The following KIF11 variants were observed in gnomAD, a reference collection of about 807,000 sequenced individuals.
The protein encoded by KIF11 is kinesin family member 11, also known as kinesin-like protein KIF11.
Under a neutral mutation model 121.0 loss-of-function variants are expected in KIF11, and 9 were observed. The ratio of observed to expected loss-of-function variants is 0.07; its 90% CI spans 0.04 to 0.13. The LOEUF (loss-of-function observed/expected upper bound fraction) is 0.13, where lower values mean the gene tolerates loss of function less well. Ranked by LOEUF, KIF11 falls within the 10% of genes least tolerant of loss-of-function variation. The pLI is 1.00. For missense variants in KIF11, 846 were observed against 1,217.5 expected (o/e 0.69, Z 4.54); for synonymous variants, 408 against 421.0 (o/e 0.97, Z 0.38).
chr10:92,602,825 C>CACGTGT (rs1457102223), intron 1 of KIF11, among the ~76,000 whole-genome samples: 11 of 122,436 alleles, frequency 9.0e-5, no homozygotes, highest in East Asian at 2.3e-4. Context: ...CACACACACA[C>CACGTGT]GTGTGTGTGT....
At chr10:92,625,082 T>G (rs1166265522) in intron 10 of KIF11, among the ~76,000 whole-genome samples, 1 of 152,142 alleles carries the variant, frequency 6.6e-6, no homozygotes, top group Non-Finnish European at 1.5e-5. Flanking sequence ...ATTTCTGTTT[T>G]AAGTTCTTTG....
chr10:92,649,925 A>G lies in KIF11; in HGVS notation c.2861A>G (p.Lys954Arg). The change falls in exon 20 of 22, where the codon AAA becomes AGA. Residue 954 changes from lysine to arginine, a missense_variant. This residue lies in a region of KIF11 where 492 missense variants were observed against 603.4 expected (regional missense o/e 0.82). Coordinates refer to ENST00000260731, the MANE Select transcript of KIF11 (RefSeq NM_004523.4). ...REHLLDQLKR[K>R]QPELLMMLNC... is the part of the protein sequence containing the mutation. ...CATCTCCTTGATCAGCTGAAAAGGAAACAGCCTGAGCTGTTAATGATGCTA... is the reference window on the plus strand; with the variant it reads ...CATCTCCTTGATCAGCTGAAAAGGAGACAGCCTGAGCTGTTAATGATGCTA... 1 of 1,613,536 alleles carries G rather than the reference A, an allele frequency of 6.2e-7. No individual in the cohort carries two copies. The highest frequency in any genetic ancestry group is 8.5e-7 in the Non-Finnish European group (1 of 1,179,482).
At chr10:92,643,346 A>G (rs114124273) in intron 17 of KIF11, among the ~76,000 whole-genome samples, 1,982 of 152,186 alleles carry the variant, frequency 0.013, 49 homozygotes, top group African/African-American at 0.044. Context: ...TTGAATTTGT[A>G]TACATTTTAA....
intron 10 of KIF11, among the ~76,000 whole-genome samples, chr10:92,627,730 G>C (rs944036868): frequency 6.6e-6 from 1 of 152,124 alleles, no homozygotes; most frequent in Non-Finnish European, 1.5e-5. Flanking sequence ...GTTCACTATA[G>C]ATGAAAAAGT....
chr10:92,641,579 A>G (rs1230016840), intron 17 of KIF11, among the ~76,000 whole-genome samples: 1 of 152,204 alleles, frequency 6.6e-6, no homozygotes, highest in African/African-American at 2.4e-5. Flanking sequence ...GCTGCTTTCA[A>G]AACTTTTTTG....
intron 11 of KIF11, 69 bp downstream of exon 11, chr10:92,628,964 G>T: frequency 1.1e-6 from 1 of 870,292 alleles, no homozygotes; most frequent in Non-Finnish European, 1.8e-6. Flanking sequence ...TAGAATGAAA[G>T]ATCTAATATT....
intron 1 of KIF11, 117 bp from the exon 2 acceptor site, chr10:92,606,148 T>C: frequency 1.2e-6 from 1 of 833,696 alleles, no homozygotes; most frequent in Non-Finnish European, 1.8e-6. Flanking sequence ...TTAATCTCCA[T>C]CACCAACAAT....
intron 12 of KIF11, among the ~76,000 whole-genome samples, chr10:92,631,873 C>T (rs1389939078): frequency 2.0e-5 from 3 of 152,030 alleles, no homozygotes; most frequent in Non-Finnish European, 2.9e-5. Context: ...CTGGGTTTCA[C>T]CATGTTGGCC....
intron 12 of KIF11, among the ~76,000 whole-genome samples, chr10:92,631,887 C>T (rs1455323868): frequency 6.6e-6 from 1 of 151,912 alleles, no homozygotes; most frequent in East Asian, 1.9e-4. Context: ...GTTGGCCAGG[C>T]TGGTCTCAAA....
At chr10:92,605,410 A>G (rs1405698804) in intron 1 of KIF11, among the ~76,000 whole-genome samples, 1 of 151,816 alleles carries the variant, frequency 6.6e-6, no homozygotes, top group Admixed American at 6.6e-5. Context: ...CCAGGTATCT[A>G]CTGGCAGATT....
chr10:92,630,296 G>T lies in KIF11; in HGVS notation c.1426G>T (p.Val476Phe). The change falls in exon 12 of 22, where the codon GTT becomes TTT. Residue 476 changes from valine (V) to phenylalanine (F), a missense_variant. This residue lies in a region of KIF11 where 95 missense variants were observed against 109.3 expected (regional missense o/e 0.87). Coordinates refer to ENST00000260731, the MANE Select transcript of KIF11 (RefSeq NM_004523.4). ...TTTGCAAGAAACTAAATTACAACTT[G>T]TTAAAGAAGAATATATCACATCAGC... Reference protein sequence around the residue: ...KHLQETKLQLVKEEYITSALE... With the variant: ...KHLQETKLQLFKEEYITSALE... 3 of 1,608,122 alleles carry T rather than the reference G, an allele frequency of 1.9e-6. No homozygotes were observed. Among genetic ancestry groups the T allele is most frequent in the Non-Finnish European group, 2.5e-6 (3 of 1,177,772 alleles).
chr10:92,594,063 C>A (rs1844264317), intron 1 of KIF11, among the ~76,000 whole-genome samples: 1 of 152,074 alleles, frequency 6.6e-6, no homozygotes, highest in Admixed American at 6.6e-5. Flanking sequence ...GGGTGTTCGG[C>A]CCTCCCCTGA....
chr10:92,638,688 A>G (rs575661826), intron 16 of KIF11, among the ~76,000 whole-genome samples: 4 of 152,386 alleles, frequency 2.6e-5, no homozygotes, highest in African/African-American at 9.6e-5. Context: ...TGAAATGAGC[A>G]CTACTAAAAT....
chr10:92,613,187 G>A lies in KIF11; in HGVS notation c.789+57G>A. ...TCTTAAACACCTTATAGAGCAGCTT[G>A]AAATTTTGTCCTTGAGACAAAATTT... On this transcript the variant is annotated intron_variant, in intron 7 of 21. Coordinates refer to ENST00000260731, the MANE Select transcript of KIF11 (RefSeq NM_004523.4). This position sits in a 1 kb window ranked among gnomAD's most constrained non-coding sequence, Gnocchi z 4.2. 7.2e-7 allele frequency: 1 copy of A among 1,379,800 alleles called. No individual in the cohort carries two copies. Among genetic ancestry groups the A allele is most frequent in the South Asian group, 1.3e-5 (1 of 77,814 alleles). 85.5% of individuals were successfully genotyped at this position (1,379,800 alleles called of 1,614,324 possible). A position where few individuals can be genotyped will look rare whatever the true frequency, so the allele number is the denominator to read the frequency against.
chr10:92,609,380 G>A lies in KIF11; in HGVS notation c.574-5G>A, dbSNP rs781705800. On this transcript the variant is annotated splice_region_variant and splice_polypyrimidine_tract_variant and intron_variant, in intron 5 of 21. Transcript: ENST00000260731. The stretch of plus-strand genomic sequence containing the variant: ...TAATGGATGTTCTTTTGGTATTTTG[G>A]TCAGAGAGGAGTGATAATTAAAGGT... 1.9e-6 allele frequency: 3 copies of A among 1,610,048 alleles called. No individual in the cohort carries two copies. The highest frequency in any genetic ancestry group is 1.7e-5 in the Admixed American group (1 of 59,310).
rs200059912 is a variant in KIF11, at chr10:92,628,792, T to A, written c.1218-16T>A. 1.4e-6 allele frequency: 2 copies of A among 1,405,660 alleles called. No homozygotes were observed. The highest frequency in any genetic ancestry group is 3.6e-5 in the Admixed American group (2 of 55,030). The allele number at this position is 1,405,660 out of a possible 1,614,324, so 87.1% of individuals were successfully genotyped here. A position where few individuals can be genotyped will look rare whatever the true frequency, so the allele number is the denominator to read the frequency against. On this transcript the variant is annotated splice_polypyrimidine_tract_variant and intron_variant, in intron 10 of 21. Transcript: ENST00000260731. ...AAAAATATTAACTGTTAAACTCATA[T>A]TAAACTTTATTTTAGAGTCATGAGT...
rs1844670919 is a variant in KIF11, at chr10:92,625,901, T to C, written c.1218-2907T>C. 2.6e-5 allele frequency among the ~76,000 whole-genome samples: 4 copies of C among 152,124 alleles called. No individual in the cohort carries two copies. The South Asian group carries it at 8.3e-4, about 31-fold the overall frequency. ...TGAAGGATCTCTACGGTAAGAATTATAAAACACTGCTGAAAGAAATCAGAG... is the reference window on the plus strand; with the variant it reads ...TGAAGGATCTCTACGGTAAGAATTACAAAACACTGCTGAAAGAAATCAGAG... On this transcript the variant is annotated intron_variant, in intron 10 of 21. Transcript: ENST00000260731.
At chr10:92,633,452 T>G (rs1212156664) in intron 13 of KIF11, among the ~76,000 whole-genome samples, 171 bp from the exon 14 acceptor site, 1 of 152,218 alleles carries the variant, frequency 6.6e-6, no homozygotes, top group Non-Finnish European at 1.5e-5. Flanking sequence ...TATAGAAAAT[T>G]GTAATGTATA....
At chr10:92,620,367 A>T (rs1844604971) in intron 9 of KIF11, among the ~76,000 whole-genome samples, 1 of 152,200 alleles carries the variant, frequency 6.6e-6, no homozygotes, top group South Asian at 2.1e-4. Context: ...GGCGTGAGCC[A>T]CCGCGTCCGG....
Sources: gnomAD v4.1 joint callset for allele counts (sites outside exome capture counted in the v4.1 genomes callset) on GRCh38, gnomAD v4.1.1 for gene constraint, gnomAD v4.1.1 regional missense constraint, Gnocchi (gnomAD v3.1) non-coding constraint, MANE v1.5 for transcripts, NCBI Gene and HGNC (gene_info 2026-07-23, HGNC 2026-07-21) for gene names.